The following FHIP1A variants were observed in gnomAD, a reference collection of about 807,000 sequenced individuals.
FHIP1A encodes FHF complex subunit HOOK interacting protein 1A.
Under a neutral mutation model 88.6 loss-of-function variants are expected in FHIP1A, and 61 were observed. That is an observed-to-expected ratio of 0.69 (90% CI 0.56 to 0.85). The LOEUF (loss-of-function observed/expected upper bound fraction) is 0.85. Among genes scored for constraint, FHIP1A ranks in the 40% least tolerant of loss-of-function variants. The pLI, the probability that FHIP1A is intolerant of heterozygous loss-of-function variation, is 0.00. For missense variants in FHIP1A, 1,154 were observed against 1,273.5 expected (o/e 0.91, Z 1.43); for synonymous variants, 478 against 496.0 (o/e 0.96, Z 0.48).
rs1287458373 is a variant in FHIP1A, at chr4:151,667,701, T to G, written c.*4947T>G. Among the ~76,000 whole-genome samples, 1 of 152,214 alleles carries G rather than the reference T, an allele frequency of 6.6e-6. No homozygotes were observed. Among genetic ancestry groups the G allele is most frequent in the Non-Finnish European group, 1.5e-5 (1 of 68,040 alleles). ...AACTGATCATGATTTTAGCTAGGAC[T>G]GACCTTTCCTAGCTTGTAGGGTCAC... On this transcript the variant is annotated 3_prime_UTR_variant, in exon 14 of 14. Coordinates refer to ENST00000435205, the MANE Select transcript of FHIP1A (RefSeq NM_001109977.3).
At chr4:151,459,782 G>A (rs1185737854) in intron 2 of FHIP1A, among the ~76,000 whole-genome samples, 1 of 152,172 alleles carries the variant, frequency 6.6e-6, no homozygotes, top group African/African-American at 2.4e-5. Flanking sequence ...CAGAACAGTG[G>A]CTGAAGCTAG....
At chr4:151,481,064 G>A (rs1447885288) in intron 2 of FHIP1A, among the ~76,000 whole-genome samples, 1 of 151,978 alleles carries the variant, frequency 6.6e-6, no homozygotes, top group African/African-American at 2.4e-5. Context: ...AGACATATTT[G>A]TTTTACAGGA....
chr4:151,526,408 C>G (rs1446066095), intron 3 of FHIP1A, among the ~76,000 whole-genome samples: 1 of 150,640 alleles, frequency 6.6e-6, no homozygotes, highest in Non-Finnish European at 1.5e-5. Flanking sequence ...ACCTCCCTCC[C>G]GGACCGGGGT....
chr4:151,465,680 C>G (rs537785159), intron 2 of FHIP1A, among the ~76,000 whole-genome samples: 1 of 152,322 alleles, frequency 6.6e-6, no homozygotes, highest in South Asian at 2.1e-4. Context: ...CCACCACGAT[C>G]AAGTAGGCTT....
At chr4:151,661,817 G>A (rs1159223611) in intron 13 of FHIP1A, among the ~76,000 whole-genome samples, 3 of 152,182 alleles carry the variant, frequency 2.0e-5, no homozygotes, top group Non-Finnish European at 1.5e-5. Context: ...AGGCTTCTAA[G>A]CCATTTGCTG....
intron 1 of FHIP1A, among the ~76,000 whole-genome samples, chr4:151,435,535 A>G (rs1330176702): frequency 6.6e-6 from 1 of 152,248 alleles, no homozygotes; most frequent in Non-Finnish European, 1.5e-5. Context: ...CTGTAATCCC[A>G]GCACTTTGGG....
intron 9 of FHIP1A, among the ~76,000 whole-genome samples, chr4:151,644,962 C>CA (rs1736735715): frequency 6.6e-6 from 1 of 152,244 alleles, no homozygotes; most frequent in African/African-American, 2.4e-5. Context: ...CATCTCTACT[C>CA]ACAGATATCC....
At chr4:151,629,615 C>T in intron 7 of FHIP1A, 87 bp from the exon 8 acceptor site, 2 of 1,198,032 alleles carry the variant, frequency 1.7e-6, no homozygotes, top group South Asian at 2.9e-5. Context: ...GATGATGTCA[C>T]TGTGGTGAGG....
At chr4:151,443,221 C>G (rs368383184) in intron 1 of FHIP1A, among the ~76,000 whole-genome samples, 38 of 152,186 alleles carry the variant, frequency 2.5e-4, no homozygotes, top group African/African-American at 7.9e-4. Flanking sequence ...TCACTTGAGC[C>G]CAGGAGTTCG....
chr4:151,506,206 C>T (rs1330204741), intron 3 of FHIP1A, among the ~76,000 whole-genome samples: 1 of 151,936 alleles, frequency 6.6e-6, no homozygotes, highest in Non-Finnish European at 1.5e-5. Flanking sequence ...CTGTGCCTGG[C>T]CTAAATGGGG....
chr4:151,662,577 C>G lies in FHIP1A; in HGVS notation c.2946C>G (p.Phe982Leu). The change falls in exon 14 of 14, where the codon TTC becomes TTG. Residue 982 changes from phenylalanine to leucine, a missense_variant. Coordinates refer to ENST00000435205, the MANE Select transcript of FHIP1A (RefSeq NM_001109977.3). ...LDGPPRVLQP[F>L]LTHRTKVAEA... ...GACCTCCAAGAGTGCTTCAGCCCTT[C>G]CTGACCCACAGAACCAAGGTGGCTG... The G allele has an allele frequency of 6.4e-7, 1 of 1,551,570 alleles. No homozygotes were observed. The highest frequency in any genetic ancestry group is 8.7e-7 in the Non-Finnish European group (1 of 1,146,968).
At chr4:151,521,454 G>A (rs1336555996) in intron 3 of FHIP1A, among the ~76,000 whole-genome samples, 1 of 152,084 alleles carries the variant, frequency 6.6e-6, no homozygotes, top group African/African-American at 2.4e-5. Context: ...TACTATACTG[G>A]AAAACTACAC....
chr4:151,588,834 T>TCC lies in FHIP1A; in HGVS notation c.892-5_892-4insCC, dbSNP rs768714564. 38 of 1,540,932 alleles carry TCC rather than the reference T, an allele frequency of 2.5e-5. No homozygotes were observed. The East Asian group carries it at 8.8e-4, about 36-fold the overall frequency. ...CCTTTTTCATGCCTATGTGCCTCTC[T>TCC]CTCAGGTGGCTCACCCCTTGATTCG... On this transcript the variant is annotated splice_region_variant and splice_polypyrimidine_tract_variant and intron_variant, in intron 6 of 13. Transcript: ENST00000435205.
intron 1 of FHIP1A, among the ~76,000 whole-genome samples, chr4:151,431,498 G>C (rs1010669365): frequency 1.3e-5 from 2 of 151,268 alleles, no homozygotes; most frequent in Admixed American, 1.3e-4. Context: ...TTACCTGACT[G>C]TCGTGCCATT....
intron 1 of FHIP1A, among the ~76,000 whole-genome samples, chr4:151,442,644 G>A (rs544847840): frequency 2.6e-5 from 4 of 152,300 alleles, no homozygotes; most frequent in African/African-American, 7.2e-5. Flanking sequence ...CATTTAGCCT[G>A]TGGAGTCATT....
At chr4:151,536,772 G>T (rs937232598) in intron 3 of FHIP1A, among the ~76,000 whole-genome samples, 5 of 152,312 alleles carry the variant, frequency 3.3e-5, no homozygotes, top group Middle Eastern at 6.8e-3. Flanking sequence ...ATGAACATTT[G>T]TATACGGGTT....
intron 3 of FHIP1A, among the ~76,000 whole-genome samples, chr4:151,556,793 G>C (rs1732962759): frequency 6.6e-6 from 1 of 152,150 alleles, no homozygotes; most frequent in South Asian, 2.1e-4. Flanking sequence ...TATACCTACT[G>C]TTTCCACCAG....
chr4:151,542,236 GT>G (rs1732322074), intron 3 of FHIP1A, among the ~76,000 whole-genome samples: 1 of 152,092 alleles, frequency 6.6e-6, no homozygotes, highest in South Asian at 2.1e-4. Context: ...GCTGCTCTTG[GT>G]TAGGTTTTTA....
intron 7 of FHIP1A, among the ~76,000 whole-genome samples, chr4:151,611,229 G>T (rs2126847266): frequency 6.6e-6 from 1 of 152,076 alleles, no homozygotes; most frequent in East Asian, 1.9e-4. Flanking sequence ...AGGGGTGGGT[G>T]GTGGTGTTTA....
Sources: allele counts gnomAD v4.1 joint callset (sites outside exome capture counted in the v4.1 genomes callset), GRCh38; gene constraint gnomAD v4.1.1; transcripts MANE v1.5; gene names NCBI Gene and HGNC (gene_info 2026-07-23, HGNC 2026-07-21).